Variants in HAL observed in about 807,000 individuals in gnomAD.
HAL encodes the protein histidine ammonia-lyase, also known as histidase.
In HAL, 85 loss-of-function variants were observed where a neutral mutation model predicts 81.1. That is an observed-to-expected ratio of 1.05 (90% CI 0.88 to 1.25). The LOEUF (loss-of-function observed/expected upper bound fraction) is 1.25, where lower values mean the gene tolerates loss of function less well. Among genes scored for constraint, HAL ranks in the 50% most tolerant of loss-of-function variants. The probability of loss-of-function intolerance (pLI) is 0.00; values close to 1 mark genes in which losing one functional copy is unlikely to be tolerated. For missense variants in HAL, 798 were observed against 836.6 expected (o/e 0.95, Z 0.57); for synonymous variants, 301 against 309.2 (o/e 0.97, Z 0.28).
rs1218113032 is a variant in HAL, at chr12:95,995,620, G to C, written c.247+44C>G. The stretch of plus-strand genomic sequence containing the variant: ...GTTCAATGCTGCAAAGACTAAGCCA[G>C]GCCAAACCGCACCCGTTCGCGGCCC... On this transcript the variant is annotated intron_variant, in intron 2 of 20. Coordinates refer to ENST00000261208, the MANE Select transcript of HAL (RefSeq NM_002108.4). The C allele has an allele frequency of 2.5e-6, 4 of 1,609,628 alleles. No homozygotes were observed. The African/African-American group carries it at 5.3e-5, about 21-fold the overall frequency.
intron 9 of HAL, among the ~76,000 whole-genome samples, chr12:95,992,038 G>C (rs182388850): frequency 1.5e-4 from 23 of 152,282 alleles, no homozygotes; most frequent in Admixed American, 1.4e-3. Flanking sequence ...CACTGACCTA[G>C]AAGGCTTGTC....
chr12:95,994,932 C>T lies in HAL; in HGVS notation c.308+1G>A, dbSNP rs76945459. On this transcript the variant is annotated splice_donor_variant, in intron 3 of 20. Transcript: ENST00000261208. LOFTEE classifies it high-confidence loss of function. ...ACCAAAGAGCCTGTGGGAAAGGATA[C>T]AGATAAACTCCTTCTGGTTGAGATG... is the stretch of plus-strand genomic sequence containing the variant. 9.9e-6 allele frequency: 16 copies of T among 1,612,300 alleles called. No homozygotes were observed. Among genetic ancestry groups the T allele is most frequent in the Non-Finnish European group, 1.0e-5 (12 of 1,178,356 alleles).
chr12:95,981,552 G>A (rs1486532582), intron 15 of HAL, among the ~76,000 whole-genome samples: 8 of 152,150 alleles, frequency 5.3e-5, no homozygotes, highest in Admixed American at 1.3e-4. Context: ...TCTGCCTCCC[G>A]GGTTCAAGTG....
chr12:95,983,168 A>G (rs1047406987), intron 15 of HAL, among the ~76,000 whole-genome samples: 1 of 152,220 alleles, frequency 6.6e-6, no homozygotes, highest in Admixed American at 6.5e-5. Context: ...CAGGTGGATC[A>G]CTTGAGGTCA....
intron 17 of HAL, among the ~76,000 whole-genome samples, chr12:95,978,709 A>C (rs1428231601): frequency 6.6e-6 from 1 of 152,108 alleles, no homozygotes; most frequent in Non-Finnish European, 1.5e-5. Context: ...TGTTCTAACG[A>C]GCTCTCAGGT....
intron 15 of HAL, chr12:95,983,587 C>T: frequency 2.6e-6 from 1 of 391,912 alleles, no homozygotes; most frequent in South Asian, 2.8e-5. Flanking sequence ...CACCAACAAC[C>T]TTGGCAGTGG....
chr12:95,993,538 G>A (rs774124819), intron 7 of HAL, 50 bp from the exon 8 acceptor site: 2 of 1,237,086 alleles, frequency 1.6e-6, no homozygotes, highest in Non-Finnish European at 2.4e-6. Flanking sequence ...GTGAGAAAAT[G>A]TTCCCTCAGC....
rs1474025658 is a variant in HAL, at chr12:95,973,171, A to AGGG, written c.*1058_*1060dup. ...AGAGCCACGGTTTCAGACCACTTGAAGGGCCTTGCACATATATGCACACAC... is the reference window on the plus strand; with the variant it reads ...AGAGCCACGGTTTCAGACCACTTGAAGGGGGGCCTTGCACATATATGCACACAC... On this transcript the variant is annotated 3_prime_UTR_variant, in exon 21 of 21. Transcript: ENST00000261208. 6.6e-6 allele frequency: 1 copy of AGGG among 152,204 alleles called. No homozygotes were observed. The highest frequency in any genetic ancestry group is 1.5e-5 in the Non-Finnish European group (1 of 68,034). 9.4% of individuals were successfully genotyped at this position (152,204 alleles called of 1,614,324 possible).
Position 95,990,634 on chromosome 12 carries a change from C to T in HAL, c.716-102G>A. On this transcript the variant is annotated intron_variant, in intron 9 of 20. Transcript: ENST00000261208. Reference sequence around the variant, plus strand: ...ACTGCCCCCGCAAACACCCTGCCTCCAATATCTATCACTTTATGGCATAGA... The same window carrying T: ...ACTGCCCCCGCAAACACCCTGCCTCTAATATCTATCACTTTATGGCATAGA... The T allele has an allele frequency of 3.4e-6, 3 of 885,522 alleles. No homozygotes were observed. The South Asian group carries it at 4.0e-5, about 12-fold the overall frequency. 54.9% of individuals were successfully genotyped at this position (885,522 alleles called of 1,614,324 possible).
chr12:95,984,881 G>C (rs1196761364), intron 14 of HAL, among the ~76,000 whole-genome samples: 9 of 152,122 alleles, frequency 5.9e-5, no homozygotes, highest in Admixed American at 5.9e-4. Flanking sequence ...AAGATAACTT[G>C]CTGACTAAAG....
At chr12:95,984,718 AAGAC>A (rs1183007981) in intron 14 of HAL, among the ~76,000 whole-genome samples, 1 of 152,226 alleles carries the variant, frequency 6.6e-6, no homozygotes, top group Non-Finnish European at 1.5e-5. Flanking sequence ...TAATAAATGA[AAGAC>A]AGTGATAATG....
chr12:95,977,826 CT>C (rs2080740475), intron 18 of HAL, 117 bp downstream of exon 18: 1 of 1,074,588 alleles, frequency 9.3e-7, no homozygotes, highest in East Asian at 2.4e-5. Context: ...GCCTGAGAGT[CT>C]GCCTTCCTAA....
At chr12:95,976,550 T>A (rs762675524) in intron 19 of HAL, 48 bp downstream of exon 19, 3 of 1,595,050 alleles carry the variant, frequency 1.9e-6, no homozygotes, top group Admixed American at 3.3e-5. Flanking sequence ...CCTGCCAGGG[T>A]TCACAGTGCT....
intron 8 of HAL, among the ~76,000 whole-genome samples, chr12:95,993,041 C>T (rs1949991518): frequency 6.6e-6 from 1 of 152,148 alleles, no homozygotes; most frequent in Admixed American, 6.5e-5. Flanking sequence ...TTTTGGGAAG[C>T]TTCAGTGAAC....
At chr12:95,992,872 T>TCCC in intron 8 of HAL, 67 bp from the exon 9 acceptor site, 1 of 1,403,768 alleles carries the variant, frequency 7.1e-7, no homozygotes, top group Non-Finnish European at 1.0e-6. Flanking sequence ...ACAATTGCCC[T>TCCC]CCCTCCCTCC....
intron 18 of HAL, among the ~76,000 whole-genome samples, chr12:95,977,660 A>AG (rs2080738169): frequency 2.0e-5 from 3 of 150,842 alleles, no homozygotes; most frequent in Non-Finnish European, 3.0e-5. Context: ...AAAAAAAAAA[A>AG]AGAGAAAAAA....
intron 15 of HAL, among the ~76,000 whole-genome samples, chr12:95,983,396 CAA>C (rs35963926): frequency 2.0e-5 from 3 of 147,468 alleles, no homozygotes; most frequent in Non-Finnish European, 3.0e-5. Context: ...TAAAAATAAA[CAA>C]AAAAAAAAAT....
At chr12:95,986,024 A>G in intron 13 of HAL, 41 bp downstream of exon 13, 2 of 1,574,264 alleles carry the variant, frequency 1.3e-6, no homozygotes, top group Non-Finnish European at 1.7e-6. Context: ...TTTTCACAAA[A>G]CACGTAACCA....
intron 15 of HAL, among the ~76,000 whole-genome samples, chr12:95,983,414 A>G (rs1477993854): frequency 1.3e-5 from 2 of 152,162 alleles, no homozygotes; most frequent in South Asian, 2.1e-4. Context: ...AAAATGCCAA[A>G]AACCTCAGGA....
Sources: allele counts gnomAD v4.1 joint callset (sites outside exome capture counted in the v4.1 genomes callset), GRCh38; gene constraint gnomAD v4.1.1; transcripts MANE v1.5; gene names NCBI Gene and HGNC (gene_info 2026-07-23, HGNC 2026-07-21).